OR2T35: variants seen among roughly 807,000 people sequenced by gnomAD.
The protein encoded by OR2T35 is olfactory receptor family 2 subfamily T member 35 (gene/pseudogene).
For missense variants in OR2T35, 47 were observed against 278.8 expected (o/e 0.17, Z 5.92); for synonymous variants, 18 against 110.2 (o/e 0.16, Z 5.24).
At chr1:248,642,230 A>G (rs866543186) in intron 1 of OR2T35, among the ~76,000 whole-genome samples, 3,301 of 50,752 alleles carry the variant, frequency 0.065, 106 homozygotes, top group African/African-American at 0.12. Context: ...AAAAAAAAAA[A>G]AAAAAGAAAA....
intron 1 of OR2T35, among the ~76,000 whole-genome samples, chr1:248,639,669 A>G (rs1459365864): frequency 2.7e-5 from 2 of 74,752 alleles, no homozygotes; most frequent in Admixed American, 1.4e-4. Context: ...CGCCTAGCGA[A>G]ATGATTTGAA....
Position 248,644,132 on chromosome 1 carries a change from G to T in OR2T35, c.-23+1115C>A, listed in dbSNP as rs1212775899. ...AAATGGTGGGCAATTTAAAATTTGA[G>T]ATTTTTCATTTAATATTTTTTACAC... On this transcript the variant is annotated intron_variant, in intron 1 of 1. Transcript: ENST00000641268. Among the ~76,000 whole-genome samples, 13 of 42,114 alleles carry T rather than the reference G, an allele frequency of 3.1e-4. No homozygotes were observed. In the South Asian group the frequency reaches 0.011, roughly 36 times the overall value. The allele number at this position is 42,114 out of a possible 152,430, so 27.6% of individuals were successfully genotyped here. A position where few individuals can be genotyped will look rare whatever the true frequency, so the allele number is the denominator to read the frequency against.
chr1:248,642,238 A>G (rs1287905832), intron 1 of OR2T35, among the ~76,000 whole-genome samples: 15 of 100,002 alleles, frequency 1.5e-4, no homozygotes, highest in African/African-American at 4.0e-4. Flanking sequence ...AAAAAAAAGA[A>G]AAAGAAAAAG....
chr1:248,639,502 C>T (rs1439848779), intron 1 of OR2T35, among the ~76,000 whole-genome samples: 1 of 151,158 alleles, frequency 6.6e-6, no homozygotes, highest in Non-Finnish European at 1.5e-5. Context: ...TAGTTCTGTA[C>T]TCTACAGGCT....
chr1:248,644,981 CACCCCCCTTTATCTGCCT>C (rs1558178312), intron 1 of OR2T35, among the ~76,000 whole-genome samples: 4 of 29,124 alleles, frequency 1.4e-4, no homozygotes, highest in African/African-American at 2.4e-4. Flanking sequence ...CCTTAGTTAC[CACCCCCCTTTATCTGCCT>C]ATTTAAATGG....
At position 248,645,006 on chromosome 1, in the gene OR2T35, A is replaced by AGGGGGG. The variant is rs1234233144; in HGVS notation, c.-23+240_-23+241insCCCCCC. Among the ~76,000 whole-genome samples the AGGGGGG allele has an allele frequency of 1.3e-3, 45 of 34,756 alleles. 2 individuals are homozygous for AGGGGGG. In the Middle Eastern group the frequency reaches 0.052, roughly 40 times the overall value. The allele number at this position is 34,756 out of a possible 152,430, so 22.8% of individuals were successfully genotyped here. Reference sequence around the variant, plus strand: ...CACCCCCCTTTATCTGCCTATTTAAATGGTAACTGTTTTCATTCGTGGAAA... The same window carrying AGGGGGG: ...CACCCCCCTTTATCTGCCTATTTAAAGGGGGGTGGTAACTGTTTTCATTCGTGGAAA... On this transcript the variant is annotated intron_variant, in intron 1 of 1. Coordinates refer to ENST00000641268, the MANE Select transcript of OR2T35 (RefSeq NM_001001827.2).
intron 1 of OR2T35, among the ~76,000 whole-genome samples, chr1:248,644,661 C>G (rs1376006759): frequency 1.4e-5 from 2 of 140,074 alleles, no homozygotes; most frequent in African/African-American, 5.4e-5. Context: ...TTGTTTCAGT[C>G]AGAAAGTTAC....
At position 248,638,244 on chromosome 1, in the gene OR2T35, C is replaced by G. The variant is rs1464984242; in HGVS notation, c.*43G>C. On this transcript the variant is annotated 3_prime_UTR_variant, in exon 2 of 2. Transcript: ENST00000641268. ...GATGCTCTGGGAGTCCCCGCTAATC[C>G]TTCCCGATCACAGTCACCACTCTGA... 1 of 1,005,138 alleles carries G rather than the reference C, an allele frequency of 9.9e-7. No homozygotes were observed. The highest frequency in any genetic ancestry group is 1.6e-5 in the African/African-American group (1 of 61,132). The allele number at this position is 1,005,138 out of a possible 1,614,324, so 62.3% of individuals were successfully genotyped here. A position where few individuals can be genotyped will look rare whatever the true frequency, so the allele number is the denominator to read the frequency against.
In OR2T35 at chr1:248,636,398, C is replaced by CAT. The variant is rs1660705899; in HGVS notation, c.*1888_*1889insAT. 1 of 33,282 alleles carries CAT rather than the reference C, an allele frequency of 3.0e-5. No individual in the cohort carries two copies. The highest frequency in any genetic ancestry group is 7.5e-4 in the East Asian group (1 of 1,338). 2.1% of individuals were successfully genotyped at this position (33,282 alleles called of 1,614,324 possible). ...GCAACTGAGGAAATGGGAAAGAAAA[C>CAT]ACATATCCCAGGATAGAGCACAAAT... On this transcript the variant is annotated 3_prime_UTR_variant, in exon 2 of 2. Coordinates refer to ENST00000641268, the MANE Select transcript of OR2T35 (RefSeq NM_001001827.2).
intron 1 of OR2T35, among the ~76,000 whole-genome samples, chr1:248,644,581 T>C (rs1572109743): frequency 1.4e-5 from 2 of 142,500 alleles, no homozygotes; most frequent in Admixed American, 6.9e-5. Context: ...GTGTGTGGGG[T>C]GGAGTGCGGC....
rs1182773247 is a variant in OR2T35 at position 248,636,635 on chromosome 1, CATGTGT to C, written c.*1646_*1651del. On this transcript the variant is annotated 3_prime_UTR_variant, in exon 2 of 2. Coordinates refer to ENST00000641268, the MANE Select transcript of OR2T35 (RefSeq NM_001001827.2). Reference sequence around the variant, plus strand: ...CCAGGACATTCTTCCATCTCTTTTCCATGTGTTTGATTTCAGGGTAAAGATCAAATT... The same window carrying C: ...CCAGGACATTCTTCCATCTCTTTTCCTTGATTTCAGGGTAAAGATCAAATT... 3.2e-4 allele frequency: 1 copy of C among 3,170 alleles called. No individual in the cohort carries two copies. Among genetic ancestry groups the C allele is most frequent in the Non-Finnish European group, 2.1e-3 (1 of 476 alleles). 0.2% of individuals were successfully genotyped at this position (3,170 alleles called of 1,614,324 possible). A position where few individuals can be genotyped will look rare whatever the true frequency, so the allele number is the denominator to read the frequency against.
At chr1:248,644,200 A>C (rs1364600466) in intron 1 of OR2T35, among the ~76,000 whole-genome samples, 1 of 116,462 alleles carries the variant, frequency 8.6e-6, no homozygotes, top group African/African-American at 3.1e-5. Context: ...AACTAAAACT[A>C]TGGAAATGAA....
chr1:248,644,511 G>A (rs1462638588), intron 1 of OR2T35, among the ~76,000 whole-genome samples: 1 of 131,134 alleles, frequency 7.6e-6, no homozygotes, highest in Non-Finnish European at 1.6e-5. Context: ...GGCACTAGGG[G>A]TGGAAGAGAG....
Position 248,639,200 on chromosome 1 carries a change from G to T in OR2T35, c.59C>A (p.Thr20Asn). 1 of 516,140 alleles carries T rather than the reference G, an allele frequency of 1.9e-6. No homozygotes were observed. Among genetic ancestry groups the T allele is most frequent in the Non-Finnish European group, 3.5e-6 (1 of 287,538 alleles). 32.0% of individuals were successfully genotyped at this position (516,140 alleles called of 1,614,324 possible). A position where few individuals can be genotyped will look rare whatever the true frequency, so the allele number is the denominator to read the frequency against. Reference protein sequence around the residue: ...STNFVLTGLITHPAFPGLLFA... With the variant: ...STNFVLTGLINHPAFPGLLFA... ...GAGAAGCCCGGGGAAGGCAGGATGG[G>T]TGATGAGGCCTGTGAGGACGAAGTT... The change falls in exon 2 of 2, where the codon ACC becomes AAC. Residue 20 changes from threonine to asparagine, a missense_variant. Physicochemically the swap from Thr to Asn is moderately conservative, Grantham distance 65 (BLOSUM62 0). Coordinates refer to ENST00000641268, the MANE Select transcript of OR2T35 (RefSeq NM_001001827.2).
At chr1:248,639,396 C>T in intron 1 of OR2T35, 116 bp from the exon 2 acceptor site, 1 of 602,186 alleles carries the variant, frequency 1.7e-6, no homozygotes, top group Non-Finnish European at 3.0e-6. Context: ...ACTTCAGGAT[C>T]ATTTGAAATC....
At chr1:248,642,235 AG>A (rs1244083682) in intron 1 of OR2T35, among the ~76,000 whole-genome samples, 111 of 56,438 alleles carry the variant, frequency 2.0e-3, no homozygotes, top group African/African-American at 3.3e-3. Context: ...AAAAAAAAAA[AG>A]AAAAAGAAAA....
chr1:248,636,648 T>TCAAACA lies in OR2T35; in HGVS notation c.*1638_*1639insTGTTTG, dbSNP rs1462024705. ...CCATCTCTTTTCCATGTGTTTGATTTCAGGGTAAAGATCAAATTATTAGGA... is the reference window on the plus strand; with the variant it reads ...CCATCTCTTTTCCATGTGTTTGATTTCAAACACAGGGTAAAGATCAAATTATTAGGA... On this transcript the variant is annotated 3_prime_UTR_variant, in exon 2 of 2. Coordinates refer to ENST00000641268, the MANE Select transcript of OR2T35 (RefSeq NM_001001827.2). 3.4e-4 allele frequency: 1 copy of TCAAACA among 2,904 alleles called. No homozygotes were observed. The highest frequency in any genetic ancestry group is 2.6e-3 in the Non-Finnish European group (1 of 378). The allele number at this position is 2,904 out of a possible 1,614,324, so 0.2% of individuals were successfully genotyped here.
chr1:248,639,186 G>C lies in OR2T35; in HGVS notation c.73C>G (p.Pro25Ala). ...AAGACTACTGCAAAGAGAAGCCCGG[G>C]GAAGGCAGGATGGGTGATGAGGCCT... is the stretch of plus-strand genomic sequence containing the variant. ...LTGLITHPAF[P>A]GLLFAVVFSI... Residue 25 changes from proline (P) to alanine (A), a missense_variant, in exon 2 of 2, where the codon CCC becomes GCC. Coordinates refer to ENST00000641268, the MANE Select transcript of OR2T35 (RefSeq NM_001001827.2). The C allele has an allele frequency of 2.0e-6, 1 of 507,902 alleles. No individual in the cohort carries two copies. The highest frequency in any genetic ancestry group is 3.5e-6 in the Non-Finnish European group (1 of 284,692). The allele number at this position is 507,902 out of a possible 1,614,324, so 31.5% of individuals were successfully genotyped here. A position where few individuals can be genotyped will look rare whatever the true frequency, so the allele number is the denominator to read the frequency against.
Position 248,639,008 on chromosome 1 carries a change from TG to T in OR2T35, c.250del (p.Gln84ArgfsTer22). On this transcript the variant is annotated frameshift_variant, in exon 2 of 2. Coordinates refer to ENST00000641268, the MANE Select transcript of OR2T35 (RefSeq NM_001001827.2). LOFTEE classifies it low-confidence loss of function (END_TRUNC). ...YICITVPKML[Q>X]DLLSKDKTIS... ...GGTCTTGTCCTTGGACAGGAGGTCCTGGAGCATCTTGGGGACAGTGATACAG... is the reference window on the plus strand; with the variant it reads ...GGTCTTGTCCTTGGACAGGAGGTCCTGAGCATCTTGGGGACAGTGATACAG... 1 of 812,450 alleles carries T rather than the reference TG, an allele frequency of 1.2e-6. No homozygotes were observed. The highest frequency in any genetic ancestry group is 1.9e-6 in the Non-Finnish European group (1 of 539,932). 50.3% of individuals were successfully genotyped at this position (812,450 alleles called of 1,614,324 possible). A position where few individuals can be genotyped will look rare whatever the true frequency, so the allele number is the denominator to read the frequency against.
Sources: gnomAD v4.1 joint callset for allele counts (sites outside exome capture counted in the v4.1 genomes callset) on GRCh38, gnomAD v4.1.1 for gene constraint, MANE v1.5 for transcripts, NCBI Gene and HGNC (gene_info 2026-07-23, HGNC 2026-07-21) for gene names.